The following RGS3 variants were observed in gnomAD, a reference collection of about 807,000 sequenced individuals.
The protein encoded by RGS3 is regulator of G protein signaling 3.
RGS3 carries 80 observed loss-of-function variants against 132.6 expected under a neutral mutation model. The observed-to-expected ratio is 0.60, with a 90% CI of 0.50 to 0.73. The LOEUF is 0.73. Ranked by LOEUF, RGS3 falls within the 30% of genes least tolerant of loss-of-function variation. The pLI, the probability that RGS3 is intolerant of heterozygous loss-of-function variation, is 0.00. For missense variants in RGS3, 1,382 were observed against 1,530.8 expected, an observed-to-expected ratio of 0.90 and a Z score of 1.62; for synonymous variants, 598 against 620.6, an observed-to-expected ratio of 0.96 and a Z score of 0.54.
intron 20 of RGS3, among the ~76,000 whole-genome samples, chr9:113,587,299 C>T (rs1425782700): frequency 6.6e-6 from 1 of 152,186 alleles, no homozygotes; most frequent in Non-Finnish European, 1.5e-5. Context: ...TGGCTTTGGC[C>T]TGGCTCTTCT....
intron 18 of RGS3, among the ~76,000 whole-genome samples, chr9:113,535,301 G>A (rs981151284): frequency 6.6e-6 from 1 of 152,012 alleles, no homozygotes; most frequent in African/African-American, 2.4e-5. Flanking sequence ...GGCCTCCTGA[G>A]CAGCTGGGAT....
At chr9:113,495,940 C>G in intron 8 of RGS3, 94 bp downstream of exon 6, 2 of 1,120,658 alleles carry the variant, frequency 1.8e-6, no homozygotes, top group South Asian at 2.5e-5. Flanking sequence ...CAGGGCTTCT[C>G]TCTGTGAGAT....
At chr9:113,576,233 G>A (rs1834516932) in intron 19 of RGS3, among the ~76,000 whole-genome samples, 1 of 151,806 alleles carries the variant, frequency 6.6e-6, no homozygotes, top group South Asian at 2.1e-4. Context: ...AAAAATGAGT[G>A]TGTATTTTAT....
Position 113,463,921 on chromosome 9 carries a change from C to G in RGS3, c.415+1720C>G. 7 of 1,606,304 alleles carry G rather than the reference C, an allele frequency of 4.4e-6. No individual in the cohort carries two copies. The highest frequency in any genetic ancestry group is 6.0e-6 in the Non-Finnish European group (7 of 1,175,560). ...GGGCTGGCGGCAGGGGCTGCTTCAC[C>G]CTGCTCCCAGCGCCCAGAAACGCAG... On this transcript the variant is annotated intron_variant, in intron 3 of 24. Transcript: ENST00000350696. The surrounding 1 kb of genome is among the most constrained non-coding windows in gnomAD (Gnocchi z 4.6).
At chr9:113,581,991 C>G (rs1416855711) in intron 19 of RGS3, 3 of 982,040 alleles carry the variant, frequency 3.1e-6, no homozygotes, top group Non-Finnish European at 3.6e-6. Flanking sequence ...CTCTGCAGGG[C>G]TCCACTTTCA....
intron 7 of RGS3, among the ~76,000 whole-genome samples, chr9:113,486,096 A>G (rs930138708): frequency 3.4e-4 from 52 of 152,226 alleles, no homozygotes; most frequent in African/African-American, 1.3e-3. Context: ...TTTCTTTTTT[A>G]GTCATCACAG....
chr9:113,552,484 T>A (rs1439765584), intron 19 of RGS3, among the ~76,000 whole-genome samples: 1 of 152,058 alleles, frequency 6.6e-6, no homozygotes, highest in East Asian at 1.9e-4. Flanking sequence ...GCCCGGCTAA[T>A]TTTTTGTATT....
At chr9:113,475,351 T>G (rs1252914987) in intron 3 of RGS3, among the ~76,000 whole-genome samples, 1 of 152,050 alleles carries the variant, frequency 6.6e-6, no homozygotes, top group African/African-American at 2.4e-5. Context: ...TAGGGAGGAA[T>G]GGGGAGTGTT....
At chr9:113,596,804 G>A (rs1835803928) in exon 25 of RGS3, 1 of 1,613,182 alleles carries the variant, frequency 6.2e-7, no homozygotes, top group East Asian at 2.2e-5. Flanking sequence ...GCACACCAAG[G>A]ACAACCTGCA....
At chr9:113,590,305 G>A (rs1397160146) in intron 20 of RGS3, among the ~76,000 whole-genome samples, 1 of 151,892 alleles carries the variant, frequency 6.6e-6, no homozygotes, top group Non-Finnish European at 1.5e-5. Context: ...GCTAAATGAA[G>A]GTGTAATTCA....
intron 23 of RGS3, among the ~76,000 whole-genome samples, chr9:113,595,314 G>A (rs1835707932): frequency 6.6e-6 from 1 of 152,218 alleles, no homozygotes; most frequent in Admixed American, 6.5e-5. Flanking sequence ...CATCTCATGG[G>A]CAGGGTCCCA....
At chr9:113,570,784 G>A (rs575097964) in intron 19 of RGS3, among the ~76,000 whole-genome samples, 10 of 152,106 alleles carry the variant, frequency 6.6e-5, no homozygotes, top group East Asian at 5.8e-4. Flanking sequence ...TTACCGGCGC[G>A]TGCCACCATG....
rs972000739 is a variant in RGS3, at chr9:113,463,952, C to T, written c.415+1751C>T. On this transcript the variant is annotated intron_variant, in intron 3 of 24. Coordinates refer to ENST00000350696, the Ensembl canonical transcript of RGS3. This position sits in a 1 kb window ranked among gnomAD's most constrained non-coding sequence, Gnocchi z 4.6. The stretch of plus-strand genomic sequence containing the variant: ...CCCAGCGCCCAGAAACGCAGCCCCT[C>T]GTGGTGACAGGGGAGGCTGGGAGCA... 13 of 1,528,976 alleles carry T rather than the reference C, an allele frequency of 8.5e-6. No homozygotes were observed. In the African/African-American group the frequency reaches 9.7e-5, roughly 11 times the overall value. 94.7% of individuals were successfully genotyped at this position (1,528,976 alleles called of 1,614,324 possible).
chr9:113,497,288 GC>G, intron 8 of RGS3, 25 bp from the exon 7 acceptor site: 1 of 1,583,796 alleles, frequency 6.3e-7, no homozygotes, highest in Non-Finnish European at 8.7e-7. Context: ...CTGTGTCTGA[GC>G]GTGCCATTCC....
At chr9:113,562,157 C>CA (rs1833817384) in intron 19 of RGS3, among the ~76,000 whole-genome samples, 1 of 152,170 alleles carries the variant, frequency 6.6e-6, no homozygotes, top group Non-Finnish European at 1.5e-5. Context: ...CCTCTGCTTA[C>CA]ACATCCATAA....
chr9:113,579,084 C>A lies in RGS3; in HGVS notation c.2038-4366C>A, dbSNP rs968353286. ...AGGCAAACCCCAGTTTACACCCCCCCAGTGCAGGAAGTGGTTTTCGAGGGC... is the reference window on the plus strand; with the variant it reads ...AGGCAAACCCCAGTTTACACCCCCCAAGTGCAGGAAGTGGTTTTCGAGGGC... On this transcript the variant is annotated intron_variant, in intron 19 of 24. Transcript: ENST00000350696. This position sits in a 1 kb window ranked among gnomAD's most constrained non-coding sequence, Gnocchi z 4.3. Among the ~76,000 whole-genome samples the A allele has an allele frequency of 1.3e-5, 2 of 151,692 alleles. No homozygotes were observed. Among genetic ancestry groups the A allele is most frequent in the African/African-American group, 2.4e-5 (1 of 41,182 alleles).
At chr9:113,570,921 T>C (rs889643727) in intron 19 of RGS3, among the ~76,000 whole-genome samples, 2 of 152,114 alleles carry the variant, frequency 1.3e-5, no homozygotes, top group African/African-American at 4.8e-5. Context: ...CAGGCATGAG[T>C]CACTGCACCC....
chr9:113,514,228 C>T lies in RGS3; in HGVS notation c.1478-230C>T, dbSNP rs1254675389. 2.0e-5 allele frequency among the ~76,000 whole-genome samples: 3 copies of T among 152,242 alleles called. No individual in the cohort carries two copies. The East Asian group carries it at 5.8e-4, about 29-fold the overall frequency. Reference sequence around the variant, plus strand: ...TGCCCAGCGCTGTGCTAGCCCTGGACTTGCTTGCTCACGTGTCAACGTCTC... The same window carrying T: ...TGCCCAGCGCTGTGCTAGCCCTGGATTTGCTTGCTCACGTGTCAACGTCTC... On this transcript the variant is annotated intron_variant, in intron 14 of 24. Coordinates refer to ENST00000350696, the Ensembl canonical transcript of RGS3.
intron 3 of RGS3, among the ~76,000 whole-genome samples, chr9:113,466,546 C>T (rs980011371): frequency 6.6e-6 from 1 of 152,170 alleles, no homozygotes; most frequent in Non-Finnish European, 1.5e-5. Context: ...GGTGGCCTTA[C>T]TTCAGGGGAA....
Sources: gnomAD v4.1 joint callset for allele counts (sites outside exome capture counted in the v4.1 genomes callset) on GRCh38, gnomAD v4.1.1 for gene constraint, Gnocchi (gnomAD v3.1) non-coding constraint, MANE v1.5 for transcripts, NCBI Gene and HGNC (gene_info 2026-07-23, HGNC 2026-07-21) for gene names.